The following BCLAF3 variants were observed in gnomAD, a reference collection of about 807,000 sequenced individuals.
BCLAF3 encodes BCLAF1 and THRAP3 family member 3, also known as transient octamer binding factor 1.
BCLAF3 carries 24 observed loss-of-function variants against 51.2 expected under a neutral mutation model. The observed-to-expected ratio is 0.47, with a 90% CI of 0.34 to 0.66. The LOEUF (loss-of-function observed/expected upper bound fraction) is 0.66, where lower values mean the gene tolerates loss of function less well. Among genes scored for constraint, BCLAF3 ranks in the 30% least tolerant of loss-of-function variants. The pLI, the probability that BCLAF3 is intolerant of heterozygous loss-of-function variation, is 0.01. For synonymous variants in BCLAF3, 152 were observed against 176.6 expected (o/e 0.86, Z 1.10); for missense variants, 465 against 525.1 (o/e 0.89, Z 1.12).
chrX:19,990,689 G>A (rs2072909440), intron 1 of BCLAF3, among the ~76,000 whole-genome samples: 2 of 113,262 alleles, frequency 1.8e-5, no homozygotes, highest in Admixed American at 9.2e-5. Flanking sequence ...CCGGGCAGCT[G>A]TCCCCTGGAA....
intron 8 of BCLAF3, among the ~76,000 whole-genome samples, chrX:19,949,818 A>C (rs909360812): frequency 6.2e-5 from 7 of 112,149 alleles, no homozygotes; most frequent in African/African-American, 2.3e-4. Context: ...GTCTCTTTGT[A>C]TTCATACAGT....
chrX:19,955,659 A>G, intron 4 of BCLAF3, 93 bp from the exon 5 acceptor site: 1 of 735,432 alleles, frequency 1.4e-6, no homozygotes, highest in South Asian at 3.2e-5. Flanking sequence ...AACTAGAAAG[A>G]TGTATATCTT....
At chrX:19,961,845 C>T (rs1212004941) in intron 4 of BCLAF3, among the ~76,000 whole-genome samples, 2 of 112,250 alleles carry the variant, frequency 1.8e-5, no homozygotes, top group East Asian at 2.8e-4. Context: ...ATTACACAAG[C>T]CATCCTGCAG....
chrX:19,981,097 T>C (rs1440457785), intron 1 of BCLAF3, among the ~76,000 whole-genome samples: 7 of 110,669 alleles, frequency 6.3e-5, no homozygotes, highest in Non-Finnish European at 1.3e-4. Flanking sequence ...CAGGAAAAAA[T>C]AGATACACCA....
At chrX:19,925,483 C>T (rs1201683658) in intron 11 of BCLAF3, among the ~76,000 whole-genome samples, 1 of 111,336 alleles carries the variant, frequency 9.0e-6, no homozygotes, top group Non-Finnish European at 1.9e-5. Context: ...ATTAATGATG[C>T]ATCCTTAATG....
At chrX:19,971,298 G>T (rs2072250319) in intron 1 of BCLAF3, among the ~76,000 whole-genome samples, 1 of 111,482 alleles carries the variant, frequency 9.0e-6, no homozygotes, top group African/African-American at 3.3e-5. Flanking sequence ...GCCCAGGTTG[G>T]TCTGGATCTC....
chrX:19,959,484 G>A (rs1569506663), intron 4 of BCLAF3, among the ~76,000 whole-genome samples: 2 of 111,435 alleles, frequency 1.8e-5, no homozygotes, highest in Non-Finnish European at 3.8e-5. Context: ...GGTCAAGTGC[G>A]GTGGCTCACG....
At chrX:19,941,324 T>C (rs2071034840) in intron 8 of BCLAF3, among the ~76,000 whole-genome samples, 1 of 106,648 alleles carries the variant, frequency 9.4e-6, no homozygotes, top group Non-Finnish European at 1.9e-5. Context: ...GCTTTTGGTG[T>C]TTTGGACATA....
At position 19,915,757 on chromosome X, in the gene BCLAF3, C is replaced by T. The variant is rs1356003805; in HGVS notation, c.*1548G>A. 2 of 111,925 alleles carry T rather than the reference C, an allele frequency of 1.8e-5. No individual in the cohort carries two copies. The highest frequency in any genetic ancestry group is 2.8e-4 in the East Asian group (1 of 3,606). 9.2% of individuals were successfully genotyped at this position (111,925 alleles called of 1,213,427 possible). Reference sequence around the variant, plus strand: ...ATGATTAAATATTCAAAGCTCATTACTGTCCCCTAGAATATGGGAGTAAAT... The same window carrying T: ...ATGATTAAATATTCAAAGCTCATTATTGTCCCCTAGAATATGGGAGTAAAT... On this transcript the variant is annotated 3_prime_UTR_variant, in exon 12 of 12. Coordinates refer to ENST00000379682, the MANE Select transcript of BCLAF3 (RefSeq NM_001367774.2).
chrX:19,947,020 C>T (rs879057737), intron 8 of BCLAF3, among the ~76,000 whole-genome samples: 26 of 112,170 alleles, frequency 2.3e-4, no homozygotes, highest in African/African-American at 8.1e-4. Flanking sequence ...ATAAGTAACA[C>T]GAAGACAAAG....
chrX:19,965,853 G>T, intron 3 of BCLAF3, 147 bp from the exon 4 acceptor site: 1 of 647,449 alleles, frequency 1.5e-6, no homozygotes, highest in Non-Finnish European at 2.3e-6. Flanking sequence ...ATAGGCACAA[G>T]GCAGTTAAAG....
At position 19,914,259 on chromosome X, in the gene BCLAF3, C is replaced by T. The variant is rs998751125; in HGVS notation, c.*3046G>A. The stretch of plus-strand genomic sequence containing the variant: ...CACCTCGTCAGTGCCTTTGTCCATA[C>T]TGGGGCCCACTGTTACCAATATTTT... On this transcript the variant is annotated 3_prime_UTR_variant, in exon 12 of 12. Coordinates refer to ENST00000379682, the MANE Select transcript of BCLAF3 (RefSeq NM_001367774.2). The T allele has an allele frequency of 5.4e-5, 6 of 111,466 alleles. No individual in the cohort carries two copies. Among genetic ancestry groups the T allele is most frequent in the Admixed American group, 4.8e-4 (5 of 10,398 alleles). The allele number at this position is 111,466 out of a possible 1,213,427, so 9.2% of individuals were successfully genotyped here. A position where few individuals can be genotyped will look rare whatever the true frequency, so the allele number is the denominator to read the frequency against.
chrX:19,972,912 AGCTATTATAAATAAC>A (rs1353155446), intron 1 of BCLAF3, among the ~76,000 whole-genome samples: 3 of 112,189 alleles, frequency 2.7e-5, no homozygotes, highest in Non-Finnish European at 5.6e-5. Flanking sequence ...TCTACCTTTC[AGCTATTATAAATAAC>A]GCTCTTACGA....
chrX:19,950,880 T>C lies in BCLAF3; in HGVS notation c.1630-12A>G. 9.0e-7 allele frequency: 1 copy of C among 1,115,666 alleles called. No homozygotes were observed. Among genetic ancestry groups the C allele is most frequent in the South Asian group, 1.8e-5 (1 of 54,092 alleles). 91.9% of individuals were successfully genotyped at this position (1,115,666 alleles called of 1,213,427 possible). Reference sequence around the variant, plus strand: ...ATTTTGATCAGAGTCTGAGGAATTTTGACAGAAGACAAACCATTCACATTA... The same window carrying C: ...ATTTTGATCAGAGTCTGAGGAATTTCGACAGAAGACAAACCATTCACATTA... On this transcript the variant is annotated splice_polypyrimidine_tract_variant and intron_variant, in intron 7 of 11. Coordinates refer to ENST00000379682, the MANE Select transcript of BCLAF3 (RefSeq NM_001367774.2).
intron 1 of BCLAF3, among the ~76,000 whole-genome samples, chrX:19,980,173 A>G (rs1487484860): frequency 8.9e-6 from 1 of 112,098 alleles, no homozygotes; most frequent in Non-Finnish European, 1.9e-5. Context: ...TGGAAAATTA[A>G]TCTAGAACAA....
rs945839492 is a variant in BCLAF3 at position 19,966,653 on chromosome X, T to A, written c.42-4A>T. The stretch of plus-strand genomic sequence containing the variant: ...TCTAGGTACTGGTGATAAAGACCTA[T>A]GTAAACAAACACAGAAAAGTGTAAA... On this transcript the variant is annotated splice_region_variant and splice_polypyrimidine_tract_variant and intron_variant, in intron 2 of 11. Coordinates refer to ENST00000379682, the MANE Select transcript of BCLAF3 (RefSeq NM_001367774.2). 1 of 1,197,567 alleles carries A rather than the reference T, an allele frequency of 8.4e-7. No individual in the cohort carries two copies. Among genetic ancestry groups the A allele is most frequent in the Non-Finnish European group, 1.1e-6 (1 of 886,729 alleles).
At position 19,966,254 on chromosome X, in the gene BCLAF3, C is replaced by G. The variant is rs1410513596; in HGVS notation, c.437G>C (p.Arg146Thr). Residue 146 changes from arginine to threonine, a missense_variant, in exon 3 of 12, where the codon AGA (arginine) becomes ACA (threonine). Coordinates refer to ENST00000379682, the MANE Select transcript of BCLAF3 (RefSeq NM_001367774.2). ...GGHSPDDHRV[R>T]GSGKGGKPPQ... is the part of the protein sequence containing the mutation. Reference sequence around the variant, plus strand: ...TGGTTTCCCTCCTTTTCCACTTCCTCTAACTCTGTGGTCATCAGGACTATG... The same window carrying G: ...TGGTTTCCCTCCTTTTCCACTTCCTGTAACTCTGTGGTCATCAGGACTATG... The G allele has an allele frequency of 3.3e-6, 4 of 1,209,595 alleles. No individual in the cohort carries two copies. In the Admixed American group the frequency reaches 6.6e-5, roughly 20 times the overall value.
intron 8 of BCLAF3, among the ~76,000 whole-genome samples, chrX:19,940,544 A>G (rs371300304): frequency 3.4e-4 from 38 of 110,455 alleles, no homozygotes; most frequent in Admixed American, 1.2e-3. Flanking sequence ...TCTTGCGATA[A>G]TTTACTGAGA....
chrX:19,971,155 T>C (rs2072244527), intron 1 of BCLAF3, among the ~76,000 whole-genome samples: 1 of 112,429 alleles, frequency 8.9e-6, no homozygotes, highest in Non-Finnish European at 1.9e-5. Context: ...AGTGGTGCGA[T>C]CACAGTTCAC....
Sources: allele counts gnomAD v4.1 joint callset (sites outside exome capture counted in the v4.1 genomes callset), GRCh38; gene constraint gnomAD v4.1.1; transcripts MANE v1.5; gene names NCBI Gene and HGNC (gene_info 2026-07-23, HGNC 2026-07-21).